SDK1: variants seen among roughly 807,000 people sequenced by gnomAD.
SDK1 encodes the protein protein sidekick-1.
In SDK1, 157 loss-of-function variants were observed where a neutral mutation model predicts 245.5. The ratio of observed to expected loss-of-function variants is 0.64; its 90% CI spans 0.56 to 0.73. The LOEUF is 0.73. Among genes scored for constraint, SDK1 ranks in the 30% least tolerant of loss-of-function variants. The probability of loss-of-function intolerance (pLI) is 0.00; values close to 1 mark genes in which losing one functional copy is unlikely to be tolerated. For missense variants in SDK1, 3,583 were observed against 3,002.3 expected, an observed-to-expected ratio of 1.19 and a Z score of -4.52; for synonymous variants, 1,647 against 1,278.5, an observed-to-expected ratio of 1.29 and a Z score of -6.15.
In SDK1 at chr7:3,436,657, T is replaced by C. The variant is rs529947829; in HGVS notation, c.298+134773T>C. On this transcript the variant is annotated intron_variant, in intron 1 of 44. Coordinates refer to ENST00000404826, the MANE Select transcript of SDK1 (RefSeq NM_152744.4). ...GTTCTTGGCTATGAACCATGTAATA[T>C]TTTTCTCTTATTTTTATCGTGTAAT... 6.2e-4 allele frequency among the ~76,000 whole-genome samples: 94 copies of C among 152,308 alleles called. 1 individual carries two copies. Among genetic ancestry groups the C allele is most frequent in the African/African-American group, 2.2e-3 (93 of 41,554 alleles).
chr7:3,657,250 G>A (rs972530896), intron 4 of SDK1, among the ~76,000 whole-genome samples: 5 of 152,142 alleles, frequency 3.3e-5, no homozygotes, highest in Admixed American at 6.5e-5. Context: ...CAAGGCAGTC[G>A]TACAAAGACA....
chr7:3,724,574 G>A (rs922789462), intron 4 of SDK1, among the ~76,000 whole-genome samples: 1 of 152,120 alleles, frequency 6.6e-6, no homozygotes, highest in Non-Finnish European at 1.5e-5. Context: ...ACTGTACTAG[G>A]TCGACTATTA....
At chr7:3,466,516 G>T (rs1156623564) in intron 1 of SDK1, among the ~76,000 whole-genome samples, 4 of 148,878 alleles carry the variant, frequency 2.7e-5, no homozygotes, top group African/African-American at 1.0e-4. Context: ...GGAGACATTA[G>T]CTTGGGCAGT....
chr7:4,193,210 A>G (rs1457507470), intron 35 of SDK1, among the ~76,000 whole-genome samples: 1 of 118,664 alleles, frequency 8.4e-6, no homozygotes, highest in Non-Finnish European at 1.7e-5. Context: ...TTATATATTA[A>G]TATATATATT....
intron 1 of SDK1, among the ~76,000 whole-genome samples, chr7:3,565,848 A>T (rs541668944): frequency 9.9e-5 from 15 of 152,282 alleles, no homozygotes; most frequent in South Asian, 4.2e-4. Context: ...TACAAATGCA[A>T]TTTTTTCCGA....
At chr7:3,324,641 G>A (rs1779897693) in intron 1 of SDK1, among the ~76,000 whole-genome samples, 1 of 152,130 alleles carries the variant, frequency 6.6e-6, no homozygotes, top group South Asian at 2.1e-4. Context: ...ATAAAAATGG[G>A]TTTTGCACTC....
chr7:3,499,377 G>T (rs546454212), intron 1 of SDK1, among the ~76,000 whole-genome samples: 1 of 151,948 alleles, frequency 6.6e-6, no homozygotes, highest in South Asian at 2.1e-4. Context: ...TTTTTTAATT[G>T]TCAGATGTAT....
In SDK1 at chr7:3,621,553, G is replaced by A. The variant is rs374508781; in HGVS notation, c.458+2314G>A. ...GCCAGGCTACACGCCTTGGATGGCG[G>A]GAAAGGAATTGTTTCCTAGATCTTC... On this transcript the variant is annotated intron_variant, in intron 2 of 44. Coordinates refer to ENST00000404826, the MANE Select transcript of SDK1 (RefSeq NM_152744.4). 8.5e-5 allele frequency among the ~76,000 whole-genome samples: 13 copies of A among 152,310 alleles called. No homozygotes were observed. The East Asian group carries it at 2.5e-3, about 29-fold the overall frequency.
At chr7:3,424,830 A>G (rs1034320583) in intron 1 of SDK1, among the ~76,000 whole-genome samples, 1 of 152,152 alleles carries the variant, frequency 6.6e-6, no homozygotes, top group African/African-American at 2.4e-5. Context: ...CCAGGAAGTC[A>G]AGGCTGCAGT....
chr7:3,421,999 T>G (rs184936786), intron 1 of SDK1, among the ~76,000 whole-genome samples: 61 of 152,166 alleles, frequency 4.0e-4, no homozygotes, highest in Admixed American at 3.6e-3. Flanking sequence ...GCATAGTTGA[T>G]GAGAGGGGGA....
chr7:3,302,486 G>A (rs1443775632), intron 1 of SDK1: 1 of 152,166 alleles, frequency 6.6e-6, no homozygotes, highest in African/African-American at 2.4e-5. Flanking sequence ...ATTGGCTTCT[G>A]TTTAGAATAC....
rs183628730 is a variant in SDK1 at position 3,910,998 on chromosome 7, C to T, written c.848-39925C>T. On this transcript the variant is annotated intron_variant, in intron 5 of 44. Coordinates refer to ENST00000404826, the MANE Select transcript of SDK1 (RefSeq NM_152744.4). ...CCGCTGCCTGCTCTTCTGGGCATTC[C>T]GCTCTCCTCCAGCGCCACTGATGCA... Among the ~76,000 whole-genome samples the T allele has an allele frequency of 2.2e-3, 341 of 152,310 alleles. 2 individuals carry two copies. The highest frequency in any genetic ancestry group is 7.7e-3 in the African/African-American group (322 of 41,576).
intron 4 of SDK1, among the ~76,000 whole-genome samples, chr7:3,663,984 C>G (rs1331616425): frequency 6.6e-6 from 1 of 152,108 alleles, no homozygotes; most frequent in Non-Finnish European, 1.5e-5. Context: ...AAAAATTAAC[C>G]ACAAGATATT....
intron 1 of SDK1, among the ~76,000 whole-genome samples, chr7:3,327,602 C>T (rs1779968024): frequency 6.6e-6 from 1 of 151,796 alleles, no homozygotes; most frequent in Non-Finnish European, 1.5e-5. Flanking sequence ...AATAATATTC[C>T]AACTGAAAGC....
At chr7:3,852,600 A>T (rs908436025) in intron 5 of SDK1, among the ~76,000 whole-genome samples, 4 of 151,454 alleles carry the variant, frequency 2.6e-5, no homozygotes, top group African/African-American at 9.7e-5. Flanking sequence ...TACAAAAAAA[A>T]ATTAGCCGGG....
intron 21 of SDK1, among the ~76,000 whole-genome samples, chr7:4,077,648 G>A (rs113680770): frequency 0.016 from 2,406 of 152,320 alleles, 26 homozygotes; most frequent in Non-Finnish European, 0.024. Context: ...AAGGCAAGGA[G>A]GAGCAAGTCA....
At chr7:3,902,750 A>G (rs971412000) in intron 5 of SDK1, among the ~76,000 whole-genome samples, 5 of 152,232 alleles carry the variant, frequency 3.3e-5, no homozygotes, top group Admixed American at 2.0e-4. Flanking sequence ...ATTCTCAACA[A>G]TGCTTCATAA....
chr7:3,408,687 CTGTT>C (rs960881242), intron 1 of SDK1, among the ~76,000 whole-genome samples: 6 of 152,092 alleles, frequency 3.9e-5, no homozygotes, highest in Non-Finnish European at 1.5e-5. Flanking sequence ...CTTGAATTAA[CTGTT>C]TATTTTTTAT....
intron 1 of SDK1, among the ~76,000 whole-genome samples, chr7:3,473,646 C>T (rs150467080): frequency 6.6e-6 from 1 of 151,842 alleles, no homozygotes; most frequent in Non-Finnish European, 1.5e-5. Flanking sequence ...CCTTTTATTT[C>T]CTGGGTCCAG....
Sources: gnomAD v4.1 joint callset for allele counts (sites outside exome capture counted in the v4.1 genomes callset) on GRCh38, gnomAD v4.1.1 for gene constraint, MANE v1.5 for transcripts, NCBI Gene and HGNC (gene_info 2026-07-23, HGNC 2026-07-21) for gene names.